Variants in TMEM30A observed in about 807,000 individuals in gnomAD.
The protein encoded by TMEM30A is cell cycle control protein 50A.
A neutral mutation model predicts 38.2 loss-of-function variants in TMEM30A; 24 were observed. That is an observed-to-expected ratio of 0.63 (90% CI 0.46 to 0.88). The LOEUF (loss-of-function observed/expected upper bound fraction) is 0.88. Among genes scored for constraint, TMEM30A ranks in the 40% least tolerant of loss-of-function variants. The pLI, the probability that TMEM30A is intolerant of heterozygous loss-of-function variation, is 0.00. For synonymous variants in TMEM30A, 145 were observed against 161.6 expected, an observed-to-expected ratio of 0.90 and a Z score of 0.78; for missense variants, 370 against 458.6, an observed-to-expected ratio of 0.81 and a Z score of 1.77.
At chr6:75,282,354 A>G (rs1048917688) in intron 1 of TMEM30A, among the ~76,000 whole-genome samples, 2 of 152,196 alleles carry the variant, frequency 1.3e-5, no homozygotes, top group African/African-American at 4.8e-5. Flanking sequence ...TATTTCGTCT[A>G]CTACTTAGCG....
chr6:75,273,044 C>T (rs1772201132), intron 1 of TMEM30A: 1 of 152,264 alleles, frequency 6.6e-6, no homozygotes, highest in African/African-American at 2.4e-5. Context: ...GCATCTGGAT[C>T]AGACTGTTTA....
chr6:75,273,814 A>G (rs2149523033), intron 1 of TMEM30A, among the ~76,000 whole-genome samples: 1 of 152,322 alleles, frequency 6.6e-6, no homozygotes, highest in East Asian at 1.9e-4. Flanking sequence ...GGTAATTTCA[A>G]GAACTCCTTC....
chr6:75,264,278 T>C (rs1772024257), intron 3 of TMEM30A, among the ~76,000 whole-genome samples: 2 of 152,240 alleles, frequency 1.3e-5, no homozygotes, highest in South Asian at 4.1e-4. Context: ...AGAGATTCAT[T>C]AATTCTAAGA....
At chr6:75,282,364 G>A (rs1156890394) in intron 1 of TMEM30A, among the ~76,000 whole-genome samples, 2 of 152,200 alleles carry the variant, frequency 1.3e-5, no homozygotes, top group East Asian at 1.9e-4. Context: ...ACTACTTAGC[G>A]TGAAGAACCT....
chr6:75,256,425 C>A, intron 6 of TMEM30A, 130 bp from the exon 7 acceptor site: 1 of 621,612 alleles, frequency 1.6e-6, no homozygotes, highest in East Asian at 2.9e-5. Flanking sequence ...CTCACTCCTA[C>A]GTTCTAAATC....
chr6:75,270,871 G>A (rs240399), intron 1 of TMEM30A, among the ~76,000 whole-genome samples: 123,989 of 152,170 alleles, frequency 0.81, 52,195 homozygotes, highest in Non-Finnish European at 0.93. Context: ...TTCTTTCACT[G>A]CATAATTAAA....
At chr6:75,258,690 C>T (rs990174216) in intron 6 of TMEM30A, 90 bp downstream of exon 6, 1 of 1,162,804 alleles carries the variant, frequency 8.6e-7, no homozygotes, top group Non-Finnish European at 1.2e-6. Flanking sequence ...AAAACTAAAG[C>T]ACAAGGTAAC....
chr6:75,261,835 G>A (rs150111150), intron 3 of TMEM30A, among the ~76,000 whole-genome samples: 3 of 152,034 alleles, frequency 2.0e-5, no homozygotes, highest in Non-Finnish European at 2.9e-5. Flanking sequence ...GAAGTCTGTG[G>A]TAGGTATCTC....
chr6:75,256,873 T>C (rs1231516379), intron 6 of TMEM30A: 1 of 411,918 alleles, frequency 2.4e-6, no homozygotes, highest in Non-Finnish European at 4.8e-6. Context: ...GGGTGGGCTG[T>C]TAAGGAGATT....
intron 6 of TMEM30A, 72 bp downstream of exon 6, chr6:75,258,708 A>AT (rs1213959518): frequency 7.4e-6 from 10 of 1,355,522 alleles, no homozygotes; most frequent in Non-Finnish European, 1.0e-5. Flanking sequence ...AACATGCCAC[A>AT]TAACAGATAT....
chr6:75,262,704 A>G (rs1382302456), intron 3 of TMEM30A, among the ~76,000 whole-genome samples: 5 of 152,204 alleles, frequency 3.3e-5, no homozygotes, highest in Non-Finnish European at 7.4e-5. Context: ...ATGAGTACCT[A>G]ATATGCAGCA....
chr6:75,276,405 G>A (rs775900301), intron 1 of TMEM30A, among the ~76,000 whole-genome samples: 3 of 152,226 alleles, frequency 2.0e-5, no homozygotes, highest in African/African-American at 7.2e-5. Context: ...TCTAAAGTGA[G>A]AGGCAGTCTT....
rs139220227 is a variant in TMEM30A, at chr6:75,261,447, A to G, written c.454-536T>C. ...GGAGTCTAGTGCAGATTCCTAGAATATATCAATCTTTAAACTGTGCATCCA... is the reference window on the plus strand; with the variant it reads ...GGAGTCTAGTGCAGATTCCTAGAATGTATCAATCTTTAAACTGTGCATCCA... On this transcript the variant is annotated intron_variant, in intron 3 of 6. Coordinates refer to ENST00000230461, the MANE Select transcript of TMEM30A (RefSeq NM_018247.4). 3.3e-3 allele frequency among the ~76,000 whole-genome samples: 501 copies of G among 152,350 alleles called. 1 individual carries two copies. The highest frequency in any genetic ancestry group is 5.6e-3 in the Non-Finnish European group (379 of 68,036).
chr6:75,264,793 AT>A (rs964379383), intron 3 of TMEM30A, among the ~76,000 whole-genome samples: 5 of 151,942 alleles, frequency 3.3e-5, no homozygotes, highest in Admixed American at 1.3e-4. Flanking sequence ...AGGAAAAAAT[AT>A]TTTAACTAAA....
chr6:75,267,520 A>G lies in TMEM30A; in HGVS notation c.345+121T>C, dbSNP rs564427287. 1.2e-5 allele frequency: 7 copies of G among 605,248 alleles called. No homozygotes were observed. The Admixed American group carries it at 1.6e-4, about 14-fold the overall frequency. The allele number at this position is 605,248 out of a possible 1,614,324, so 37.5% of individuals were successfully genotyped here. A position where few individuals can be genotyped will look rare whatever the true frequency, so the allele number is the denominator to read the frequency against. On this transcript the variant is annotated intron_variant, in intron 2 of 6. Coordinates refer to ENST00000230461, the MANE Select transcript of TMEM30A (RefSeq NM_018247.4). ...AAAACGATCTTCCTCAAAAGCCTAT[A>G]AACTCCAGTAAATTATACAGACTTC...
chr6:75,255,632 G>A lies in TMEM30A; in HGVS notation c.*470C>T, dbSNP rs1449478621. 1 of 153,036 alleles carries A rather than the reference G, an allele frequency of 6.5e-6. No homozygotes were observed. The highest frequency in any genetic ancestry group is 2.4e-5 in the African/African-American group (1 of 41,440). The allele number at this position is 153,036 out of a possible 1,614,324, so 9.5% of individuals were successfully genotyped here. A position where few individuals can be genotyped will look rare whatever the true frequency, so the allele number is the denominator to read the frequency against. On this transcript the variant is annotated 3_prime_UTR_variant, in exon 7 of 7. Coordinates refer to ENST00000230461, the MANE Select transcript of TMEM30A (RefSeq NM_018247.4). Reference sequence around the variant, plus strand: ...TTTATACACATGAAAATGATGAAGTGTATTATTTAGATATGGTCTTTCTTC... The same window carrying A: ...TTTATACACATGAAAATGATGAAGTATATTATTTAGATATGGTCTTTCTTC...
chr6:75,264,186 C>T (rs957771703), intron 3 of TMEM30A, among the ~76,000 whole-genome samples: 2 of 152,190 alleles, frequency 1.3e-5, no homozygotes, highest in African/African-American at 4.8e-5. Flanking sequence ...AGCAATAAAA[C>T]CAATCAAGAT....
intron 6 of TMEM30A, among the ~76,000 whole-genome samples, chr6:75,258,420 A>G (rs937135922): frequency 6.6e-6 from 1 of 152,160 alleles, no homozygotes; most frequent in Non-Finnish European, 1.5e-5. Context: ...AAATATATAT[A>G]TTAAAACAGC....
At chr6:75,284,185 T>C in intron 1 of TMEM30A, 1 of 606,114 alleles carries the variant, frequency 1.6e-6, no homozygotes, top group Admixed American at 2.8e-5. Context: ...ATTTGCTCTT[T>C]CGTAAATCTC....
Sources: gnomAD v4.1 joint callset for allele counts (sites outside exome capture counted in the v4.1 genomes callset) on GRCh38, gnomAD v4.1.1 for gene constraint, MANE v1.5 for transcripts, NCBI Gene and HGNC (gene_info 2026-07-23, HGNC 2026-07-21) for gene names.